The following UBE2G1 variants were observed in gnomAD, a reference collection of about 807,000 sequenced individuals.
The protein encoded by UBE2G1 is ubiquitin conjugating enzyme E2 G1.
UBE2G1 carries 5 observed loss-of-function variants against 22.7 expected under a neutral mutation model. That is an observed-to-expected ratio of 0.22 (90% CI 0.12 to 0.46). UBE2G1 has a LOEUF of 0.46. Ranked by LOEUF, UBE2G1 falls within the 20% of genes least tolerant of loss-of-function variation. The probability of loss-of-function intolerance (pLI) is 0.99; values close to 1 mark genes in which losing one functional copy is unlikely to be tolerated. For missense variants in UBE2G1, 88 were observed against 203.9 expected, an observed-to-expected ratio of 0.43 and a Z score of 3.46; for synonymous variants, 74 against 67.5, an observed-to-expected ratio of 1.10 and a Z score of -0.47.
intron 1 of UBE2G1, among the ~76,000 whole-genome samples, chr17:4,309,480 A>C (rs1969283597): frequency 6.6e-6 from 1 of 152,254 alleles, no homozygotes; most frequent in Non-Finnish European, 1.5e-5. Context: ...AAACACATTA[A>C]GAAGGGAACA....
chr17:4,349,694 T>C (rs1969820711), intron 1 of UBE2G1, among the ~76,000 whole-genome samples: 1 of 151,590 alleles, frequency 6.6e-6, no homozygotes, highest in African/African-American at 2.4e-5. Context: ...ATACAAAAAA[T>C]TAGCCGGGCG....
intron 1 of UBE2G1, among the ~76,000 whole-genome samples, chr17:4,315,707 T>C (rs1251390562): frequency 6.8e-6 from 1 of 147,808 alleles, no homozygotes; most frequent in Non-Finnish European, 1.5e-5. Context: ...GCCACTGCAC[T>C]CCAGCCTGGG....
chr17:4,349,497 T>C (rs1452361633), intron 1 of UBE2G1, among the ~76,000 whole-genome samples: 2 of 66,676 alleles, frequency 3.0e-5, no homozygotes, highest in African/African-American at 1.3e-4. Context: ...TGATTTGGAA[T>C]GGAGGCATTG....
chr17:4,279,804 T>TATATATATATATATAA, intron 5 of UBE2G1, among the ~76,000 whole-genome samples: 1 of 8,492 alleles, frequency 1.2e-4, no homozygotes, highest in South Asian at 8.9e-3. Context: ...TATATATATA[T>TATATATATATATATAA]ATATATATAT....
intron 1 of UBE2G1, among the ~76,000 whole-genome samples, chr17:4,333,064 TA>T (rs1204626484): frequency 6.6e-6 from 1 of 152,178 alleles, no homozygotes; most frequent in African/African-American, 2.4e-5. Flanking sequence ...ATGAATTACT[TA>T]AAAATATGTA....
chr17:4,304,563 A>ACGGT (rs71383545), intron 2 of UBE2G1, among the ~76,000 whole-genome samples: 83,346 of 151,916 alleles, frequency 0.55, 26,014 homozygotes, highest in East Asian at 0.8. Context: ...TAATCCTTGA[A>ACGGT]CGGTACCGGT....
intron 2 of UBE2G1, among the ~76,000 whole-genome samples, chr17:4,305,146 G>T (rs1337633114): frequency 2.0e-5 from 3 of 151,846 alleles, no homozygotes; most frequent in Admixed American, 1.3e-4. Context: ...GTAGAGACAG[G>T]GTTTCTCCAT....
At chr17:4,331,547 C>T (rs1408868948) in intron 1 of UBE2G1, among the ~76,000 whole-genome samples, 1 of 152,126 alleles carries the variant, frequency 6.6e-6, no homozygotes, top group Non-Finnish European at 1.5e-5. Flanking sequence ...AAGCTTTGGC[C>T]TAATCGTGTC....
chr17:4,366,209 G>A (rs1970033278), intron 1 of UBE2G1, 62 bp downstream of exon 1: 2 of 1,477,162 alleles, frequency 1.4e-6, no homozygotes, highest in Non-Finnish European at 1.8e-6. Context: ...GGAGAAGAGG[G>A]ACTGGGCTGC....
chr17:4,289,037 C>CA (rs940309627), intron 4 of UBE2G1, among the ~76,000 whole-genome samples, 193 bp downstream of exon 4: 11 of 149,770 alleles, frequency 7.3e-5, no homozygotes, highest in South Asian at 2.1e-4. Context: ...GACCCTGTCT[C>CA]AAAAAAAATA....
At chr17:4,341,269 T>G (rs1969709197) in intron 1 of UBE2G1, among the ~76,000 whole-genome samples, 1 of 152,138 alleles carries the variant, frequency 6.6e-6, no homozygotes, top group Non-Finnish European at 1.5e-5. Context: ...GTATTAAACT[T>G]AATACTCACA....
rs1421607731 is a variant in UBE2G1 at position 4,271,761 on chromosome 17, T to C, written c.*793A>G. ...TTTCAGTAAGTTGAATTAAGAACCA[T>C]CTATTTTTAGTTCTCAGGGGTAATG... On this transcript the variant is annotated 3_prime_UTR_variant, in exon 6 of 6. Transcript: ENST00000396981. 6.7e-6 allele frequency: 1 copy of C among 149,730 alleles called. No individual in the cohort carries two copies. Among genetic ancestry groups the C allele is most frequent in the African/African-American group, 2.5e-5 (1 of 40,352 alleles). The allele number at this position is 149,730 out of a possible 1,614,324, so 9.3% of individuals were successfully genotyped here. A position where few individuals can be genotyped will look rare whatever the true frequency, so the allele number is the denominator to read the frequency against.
chr17:4,357,446 C>T (rs1969918511), intron 1 of UBE2G1, among the ~76,000 whole-genome samples: 1 of 129,424 alleles, frequency 7.7e-6, no homozygotes, highest in Non-Finnish European at 1.5e-5. Context: ...GTATTTATCC[C>T]ATGCAGATAA....
intron 1 of UBE2G1, among the ~76,000 whole-genome samples, chr17:4,312,924 G>A (rs1353023495): frequency 6.6e-6 from 1 of 152,070 alleles, no homozygotes; most frequent in East Asian, 1.9e-4. Flanking sequence ...ACGCTGAGTG[G>A]ACAAAGAGAA....
rs555187485 is a variant in UBE2G1 at position 4,359,356 on chromosome 17, T to C, written c.46+6915A>G. Among the ~76,000 whole-genome samples the C allele has an allele frequency of 4.5e-4, 68 of 152,300 alleles. 1 individual carries two copies. Among genetic ancestry groups the C allele is most frequent in the African/African-American group, 1.3e-3 (56 of 41,580 alleles). On this transcript the variant is annotated intron_variant, in intron 1 of 5. Transcript: ENST00000396981. The stretch of plus-strand genomic sequence containing the variant: ...ATAGCTAAAGGAAAAAAAGCAAAGA[T>C]ACAGCAATAGCAGTTTTTCTAAGTC...
chr17:4,332,798 C>A (rs1969594515), intron 1 of UBE2G1, among the ~76,000 whole-genome samples: 1 of 152,224 alleles, frequency 6.6e-6, no homozygotes, highest in African/African-American at 2.4e-5. Flanking sequence ...CTAACCTCTG[C>A]ATGATTCACT....
chr17:4,321,069 G>A (rs543638413), intron 1 of UBE2G1, among the ~76,000 whole-genome samples: 1 of 152,264 alleles, frequency 6.6e-6, no homozygotes, highest in South Asian at 2.1e-4. Flanking sequence ...AATCTCTTGA[G>A]CCCAGGAGAG....
Position 4,282,872 on chromosome 17 carries a change from C to T in UBE2G1, c.476G>A (p.Arg159His), listed in dbSNP as rs1293550747. 10 of 1,613,164 alleles carry T rather than the reference C, an allele frequency of 6.2e-6. No homozygotes were observed. The highest frequency in any genetic ancestry group is 8.5e-6 in the Non-Finnish European group (10 of 1,179,614). ...AGTCTCTTGGCTTTTTCTTACACAG[C>T]GGGCAACTTTTCTTTTAAATTCTCC... ...RNGEFKRKVA[R>H]CVRKSQETAF... The change falls in exon 5 of 6, where the codon CGC (arginine) becomes CAC (histidine). Residue 159 changes from arginine (R) to histidine (H), a missense_variant. Arg to His is a conservative substitution (Grantham distance 29, BLOSUM62 0). Transcript: ENST00000396981.
intron 1 of UBE2G1, among the ~76,000 whole-genome samples, chr17:4,328,149 C>A (rs947123722): frequency 5.9e-5 from 9 of 152,158 alleles, no homozygotes; most frequent in Admixed American, 2.6e-4. Context: ...AGTTGCAAGT[C>A]ATCATTTCAG....
Sources: allele counts gnomAD v4.1 joint callset (sites outside exome capture counted in the v4.1 genomes callset), GRCh38; gene constraint gnomAD v4.1.1; transcripts MANE v1.5; gene names NCBI Gene and HGNC (gene_info 2026-07-23, HGNC 2026-07-21).